The following DACH1 variants were observed in gnomAD, a reference collection of about 807,000 sequenced individuals.
DACH1 encodes the protein dachshund family transcription factor 1, also known as dachshund homolog 1.
Under a neutral mutation model 54.2 loss-of-function variants are expected in DACH1, and 12 were observed. That is an observed-to-expected ratio of 0.22 (90% CI 0.14 to 0.36). The LOEUF is 0.36. Ranked by LOEUF, DACH1 falls within the 10% of genes least tolerant of loss-of-function variation. DACH1 has a pLI of 1.00. For synonymous variants in DACH1, 386 were observed against 366.2 expected (o/e 1.05, Z -0.62); for missense variants, 805 against 929.8 (o/e 0.87, Z 1.75).
intron 1 of DACH1, among the ~76,000 whole-genome samples, chr13:71,734,137 CAT>C: frequency 6.7e-6 from 1 of 148,824 alleles, no homozygotes; most frequent in South Asian, 2.1e-4. Flanking sequence ...ATATATACCC[CAT>C]ATATATGTAT....
chr13:71,642,732 T>C (rs1877998688), intron 2 of DACH1, among the ~76,000 whole-genome samples: 2 of 152,128 alleles, frequency 1.3e-5, no homozygotes, highest in African/African-American at 4.8e-5. Context: ...TAAAAATTAC[T>C]AACTCAGGCC....
At chr13:71,672,482 A>G (rs753397843) in intron 2 of DACH1, among the ~76,000 whole-genome samples, 4 of 152,210 alleles carry the variant, frequency 2.6e-5, no homozygotes, top group Non-Finnish European at 5.9e-5. Context: ...TATGGAAAAA[A>G]TAAAAAGAAG....
At chr13:71,818,111 C>A (rs1395811257) in intron 1 of DACH1, among the ~76,000 whole-genome samples, 1 of 152,126 alleles carries the variant, frequency 6.6e-6, no homozygotes, top group Non-Finnish European at 1.5e-5. Flanking sequence ...CCGCACCCAG[C>A]CATTTTCAAA....
At chr13:71,464,016 T>C (rs1366084566) in intron 10 of DACH1, among the ~76,000 whole-genome samples, 1 of 152,012 alleles carries the variant, frequency 6.6e-6, no homozygotes, top group Non-Finnish European at 1.5e-5. Context: ...CTGTGTAGTT[T>C]CTGCCAGGAA....
chr13:71,753,860 A>T (rs1203324589), intron 1 of DACH1, among the ~76,000 whole-genome samples: 3 of 152,208 alleles, frequency 2.0e-5, no homozygotes, highest in African/African-American at 7.2e-5. Flanking sequence ...ATTAGTTGCC[A>T]TGTGTACAAA....
At chr13:71,791,290 T>G (rs1480021696) in intron 1 of DACH1, among the ~76,000 whole-genome samples, 1 of 152,214 alleles carries the variant, frequency 6.6e-6, no homozygotes, top group African/African-American at 2.4e-5. Flanking sequence ...GAAGAAATAT[T>G]ATCTTCTGAG....
chr13:71,561,451 T>C (rs1018654554), intron 4 of DACH1, among the ~76,000 whole-genome samples: 8 of 152,134 alleles, frequency 5.3e-5, no homozygotes, highest in Non-Finnish European at 1.5e-5. Flanking sequence ...AAGAATGTCA[T>C]GTGACCATAG....
intron 1 of DACH1, among the ~76,000 whole-genome samples, chr13:71,828,871 C>T (rs1285509727): frequency 6.6e-6 from 1 of 151,828 alleles, no homozygotes; most frequent in Non-Finnish European, 1.5e-5. Flanking sequence ...ACGGCTGTTG[C>T]CTTATGCTTA....
At chr13:71,464,771 T>C in intron 10 of DACH1, 1 of 452,088 alleles carries the variant, frequency 2.2e-6, no homozygotes, top group South Asian at 1.6e-5. Flanking sequence ...CACTTAAACT[T>C]AGAAATTTCA....
chr13:71,524,564 T>C (rs1881825331), intron 6 of DACH1, among the ~76,000 whole-genome samples: 2 of 152,130 alleles, frequency 1.3e-5, no homozygotes, highest in African/African-American at 4.8e-5. Context: ...ATTTTGTAGC[T>C]CAAGCTGAAT....
In DACH1 at chr13:71,546,654, G is replaced by A. The variant is rs187854989; in HGVS notation, c.1570+10370C>T. ...ATATATTGCTTATAATTAATTCAAT[G>A]AACTATCAAGGCTATAAAGATTAAA... On this transcript the variant is annotated intron_variant, in intron 6 of 10. Transcript: ENST00000613252. Among the ~76,000 whole-genome samples, 27 of 151,742 alleles carry A rather than the reference G, an allele frequency of 1.8e-4. No individual in the cohort carries two copies. The East Asian group carries it at 5.3e-3, about 30-fold the overall frequency.
chr13:71,465,988 A>T (rs1210430778), intron 10 of DACH1, among the ~76,000 whole-genome samples: 1 of 152,184 alleles, frequency 6.6e-6, no homozygotes, highest in African/African-American at 2.4e-5. Flanking sequence ...AATATTCTTT[A>T]AAAACAGATG....
At chr13:71,481,470 G>A (rs918649733) in intron 7 of DACH1, among the ~76,000 whole-genome samples, 200 of 152,268 alleles carry the variant, frequency 1.3e-3, no homozygotes, top group African/African-American at 4.7e-3. Context: ...GAGCATTTAT[G>A]TTTACTGTTT....
At chr13:71,714,695 A>T (rs1275384043) in intron 1 of DACH1, among the ~76,000 whole-genome samples, 1 of 152,096 alleles carries the variant, frequency 6.6e-6, no homozygotes, top group Non-Finnish European at 1.5e-5. Context: ...CCAAGTAGTA[A>T]TATAAAAAAT....
At chr13:71,791,855 G>T (rs1886845513) in intron 1 of DACH1, among the ~76,000 whole-genome samples, 1 of 152,128 alleles carries the variant, frequency 6.6e-6, no homozygotes, top group African/African-American at 2.4e-5. Context: ...AATATAGTTT[G>T]CTCATTTCAC....
intron 2 of DACH1, among the ~76,000 whole-genome samples, chr13:71,662,065 C>T (rs1210943429): frequency 6.6e-6 from 1 of 152,012 alleles, no homozygotes; most frequent in Non-Finnish European, 1.5e-5. Context: ...CCTCTCAAGA[C>T]GTAACAACCA....
rs372291800 is a variant in DACH1, at chr13:71,693,236, T to TAC, written c.849-11328_849-11327dup. 1.2e-3 allele frequency among the ~76,000 whole-genome samples: 172 copies of TAC among 149,274 alleles called. 1 individual carries two copies. The highest frequency in any genetic ancestry group is 4.1e-3 in the African/African-American group (165 of 40,580). On this transcript the variant is annotated intron_variant, in intron 1 of 10. Transcript: ENST00000613252. ...TAAAAGTTAGTAAAGTAAGTCCACATACACACACACATACATTCAACAATC... is the reference window on the plus strand; with the variant it reads ...TAAAAGTTAGTAAAGTAAGTCCACATACACACACACACATACATTCAACAATC...
intron 1 of DACH1, among the ~76,000 whole-genome samples, chr13:71,724,292 CTG>C (rs1230369148): frequency 6.6e-6 from 1 of 152,194 alleles, no homozygotes; most frequent in Non-Finnish European, 1.5e-5. Context: ...TTCATCAAAA[CTG>C]TACTGAAGAC....
At chr13:71,722,383 A>G (rs1883269559) in intron 1 of DACH1, among the ~76,000 whole-genome samples, 1 of 152,178 alleles carries the variant, frequency 6.6e-6, no homozygotes, top group Non-Finnish European at 1.5e-5. Flanking sequence ...GTGGAATATA[A>G]CAAGTCCTTC....
Sources: allele counts gnomAD v4.1 joint callset (sites outside exome capture counted in the v4.1 genomes callset), GRCh38; gene constraint gnomAD v4.1.1; transcripts MANE v1.5; gene names NCBI Gene and HGNC (gene_info 2026-07-23, HGNC 2026-07-21).